Variants in TENM2 observed in about 807,000 individuals in gnomAD.
TENM2 encodes teneurin-2.
In TENM2, 52 loss-of-function variants were observed where a neutral mutation model predicts 245.2. The ratio of observed to expected loss-of-function variants is 0.21; its 90% CI spans 0.17 to 0.27. The LOEUF is 0.27. TENM2 is among the 10% of genes least tolerant of loss of function. The pLI is 1.00. For synonymous variants in TENM2, 1,363 were observed against 1,438.9 expected (o/e 0.95, Z 1.19); for missense variants, 3,046 against 3,666.8 (o/e 0.83, Z 4.37).
chr5:167,875,856 C>T (rs902059985), intron 2 of TENM2, 130 bp from the exon 5 acceptor site: 9 of 650,728 alleles, frequency 1.4e-5, no homozygotes, highest in Non-Finnish European at 2.1e-5. Context: ...TAAAAAAGCA[C>T]ATCTGGAGCA....
chr5:167,613,912 A>G (rs1278831090), intron 2 of TENM2, among the ~76,000 whole-genome samples: 1 of 152,106 alleles, frequency 6.6e-6, no homozygotes, highest in Non-Finnish European at 1.5e-5. Context: ...TCTAAGTTAA[A>G]AAAATTATTC....
the TENM2 span, among the ~76,000 whole-genome samples, chr5:167,248,147 T>A: frequency 1.0e-3 from 154 of 152,310 alleles, no homozygotes; most frequent in African/African-American, 3.6e-3. Context: ...CAGTGGCTTA[T>A]TTTCCCTTTT....
At chr5:167,220,391 T>A in the TENM2 span, among the ~76,000 whole-genome samples, 1 of 152,224 alleles carries the variant, frequency 6.6e-6, no homozygotes, top group African/African-American at 2.4e-5. Flanking sequence ...CTTGTGGATA[T>A]TTCCACAATA....
chr5:167,919,233 A>T (rs778549241), intron 3 of TENM2, among the ~76,000 whole-genome samples: 12 of 152,198 alleles, frequency 7.9e-5, no homozygotes, highest in Non-Finnish European at 1.2e-4. Context: ...CCCTCGACAC[A>T]GAGGAGCAGT....
intron 2 of TENM2, among the ~76,000 whole-genome samples, chr5:167,521,158 GAAAT>G (rs145000424): frequency 0.021 from 3,193 of 151,946 alleles, 130 homozygotes; most frequent in African/African-American, 0.073. Flanking sequence ...ATAGGTCTCA[GAAAT>G]AAATAAACAA....
intron 12 of TENM2, among the ~76,000 whole-genome samples, chr5:168,148,170 T>C (rs1051382086): frequency 6.6e-6 from 1 of 152,204 alleles, no homozygotes; most frequent in African/African-American, 2.4e-5. Flanking sequence ...CAATTATCCA[T>C]TTAGCTAGAA....
intron 2 of TENM2, among the ~76,000 whole-genome samples, chr5:167,659,158 A>G (rs552130507): frequency 2.4e-4 from 36 of 152,332 alleles, no homozygotes; most frequent in African/African-American, 8.2e-4. Context: ...ATAGATTGCA[A>G]TGATTATATT....
intron 2 of TENM2, among the ~76,000 whole-genome samples, chr5:167,480,554 C>G (rs1485482909): frequency 6.6e-6 from 1 of 152,110 alleles, no homozygotes; most frequent in Non-Finnish European, 1.5e-5. Context: ...AGTTAGTGCT[C>G]TTAGAAATAA....
At chr5:167,825,370 G>T (rs971550293) in intron 2 of TENM2, among the ~76,000 whole-genome samples, 1 of 152,128 alleles carries the variant, frequency 6.6e-6, no homozygotes, top group Non-Finnish European at 1.5e-5. Flanking sequence ...GCCATATGGT[G>T]ATGGCAGAGC....
At chr5:167,739,708 G>T (rs1761043630) in intron 2 of TENM2, among the ~76,000 whole-genome samples, 1 of 152,184 alleles carries the variant, frequency 6.6e-6, no homozygotes, top group Admixed American at 6.5e-5. Flanking sequence ...TTCCCCTGCT[G>T]ACTTGCTCCA....
intron 9 of TENM2, among the ~76,000 whole-genome samples, chr5:168,103,303 T>C (rs1793972950): frequency 6.6e-6 from 1 of 152,166 alleles, no homozygotes; most frequent in Non-Finnish European, 1.5e-5. Flanking sequence ...GCTTCCCCTA[T>C]GTCCACATTT....
chr5:167,474,156 T>G (rs200328417), intron 2 of TENM2, among the ~76,000 whole-genome samples: 1 of 96,952 alleles, frequency 1.0e-5, no homozygotes, highest in Non-Finnish European at 2.5e-5. Flanking sequence ...TGAAAACTTT[T>G]AGAGATGTAG....
intron 2 of TENM2, among the ~76,000 whole-genome samples, chr5:167,729,727 T>G (rs1760283681): frequency 1.3e-5 from 2 of 152,254 alleles, no homozygotes; most frequent in African/African-American, 2.4e-5. Context: ...CTGTTGGATT[T>G]TCTTCTGGGT....
At chr5:167,946,269 C>G (rs141494076) in intron 3 of TENM2, among the ~76,000 whole-genome samples, 6 of 152,092 alleles carry the variant, frequency 3.9e-5, no homozygotes, top group Non-Finnish European at 7.4e-5. Flanking sequence ...CAGAGCAGGA[C>G]AGGACAAGCT....
intron 2 of TENM2, among the ~76,000 whole-genome samples, chr5:167,513,389 C>T (rs545004242): frequency 6.6e-6 from 1 of 152,192 alleles, no homozygotes; most frequent in Non-Finnish European, 1.5e-5. Flanking sequence ...AGTAAATACA[C>T]GCTGAAACTG....
At chr5:168,254,728 C>T (rs1208043171) in intron 27 of TENM2, among the ~76,000 whole-genome samples, 1 of 152,096 alleles carries the variant, frequency 6.6e-6, no homozygotes, top group Non-Finnish European at 1.5e-5. Context: ...GGAAAAAGAT[C>T]CCAATGAGGA....
At chr5:168,259,087 G>A (rs924550316) in intron 27 of TENM2, among the ~76,000 whole-genome samples, 1 of 152,144 alleles carries the variant, frequency 6.6e-6, no homozygotes, top group Non-Finnish European at 1.5e-5. Flanking sequence ...TCAGGAGGCT[G>A]AGTGAGTGTT....
At chr5:167,197,514 G>T in the TENM2 span, among the ~76,000 whole-genome samples, 1 of 152,058 alleles carries the variant, frequency 6.6e-6, no homozygotes, top group Admixed American at 6.6e-5. Context: ...GGGGCTGATA[G>T]AACTCAGTAT....
intron 9 of TENM2, among the ~76,000 whole-genome samples, chr5:168,101,068 T>A (rs1030702765): frequency 2.0e-5 from 3 of 152,086 alleles, no homozygotes; most frequent in African/African-American, 7.2e-5. Context: ...AAGTGAACTG[T>A]GGAGACTGGA....
Sources: gnomAD v4.1 joint callset for allele counts (sites outside exome capture counted in the v4.1 genomes callset) on GRCh38, gnomAD v4.1.1 for gene constraint, MANE v1.5 for transcripts, NCBI Gene and HGNC (gene_info 2026-07-23, HGNC 2026-07-21) for gene names.